The following ASPH variants were observed in gnomAD, a reference collection of about 807,000 sequenced individuals.
ASPH encodes aspartate beta-hydroxylase.
ASPH carries 100 observed loss-of-function variants against 118.4 expected under a neutral mutation model. That is an observed-to-expected ratio of 0.84 (90% CI 0.72 to 1.00). The LOEUF is 1.00. ASPH is among the 50% of genes least tolerant of loss of function. The pLI is 0.00. For missense variants in ASPH, 920 were observed against 919.5 expected (o/e 1.00, Z -0.01); for synonymous variants, 315 against 325.6 (o/e 0.97, Z 0.35).
chr8:61,574,461 A>G (rs1388939003), intron 16 of ASPH, among the ~76,000 whole-genome samples: 1 of 152,248 alleles, frequency 6.6e-6, no homozygotes, highest in African/African-American at 2.4e-5. Context: ...ATGCCCATCA[A>G]TGATAGACTG....
intron 14 of ASPH, among the ~76,000 whole-genome samples, chr8:61,585,802 G>A (rs1034346816): frequency 2.6e-5 from 4 of 152,252 alleles, no homozygotes; most frequent in South Asian, 2.1e-4. Context: ...GTTAAGCATC[G>A]ATGGCAGGGG....
intron 3 of ASPH, chr8:61,662,850 G>A (rs1817620792): frequency 2.0e-6 from 2 of 983,556 alleles, no homozygotes; most frequent in South Asian, 9.4e-5. Flanking sequence ...AATAGCAATA[G>A]ACAATTCTTA....
intron 14 of ASPH, chr8:61,607,284 T>TGCAA: frequency 1.4e-6 from 1 of 702,328 alleles, no homozygotes; most frequent in Non-Finnish European, 2.6e-6. Flanking sequence ...CAGGACATGG[T>TGCAA]GCAAGCCGCC....
intron 5 of ASPH, among the ~76,000 whole-genome samples, chr8:61,649,146 A>G (rs1809607038): frequency 6.6e-6 from 1 of 152,206 alleles, no homozygotes; most frequent in East Asian, 1.9e-4. Flanking sequence ...TGCTACTGCA[A>G]CAGTCATGGC....
chr8:61,665,918 A>G (rs548923968), intron 3 of ASPH, among the ~76,000 whole-genome samples: 1 of 152,312 alleles, frequency 6.6e-6, no homozygotes, highest in East Asian at 1.9e-4. Context: ...CTTTGCACAA[A>G]GTATTAACTC....
At chr8:61,516,098 A>C (rs1810809555) in intron 24 of ASPH, among the ~76,000 whole-genome samples, 1 of 152,198 alleles carries the variant, frequency 6.6e-6, no homozygotes, top group African/African-American at 2.4e-5. Context: ...CTGCTGAATT[A>C]TTATTCAATA....
intron 13 of ASPH, chr8:61,624,711 C>T (rs1461960102): frequency 1.4e-5 from 14 of 985,556 alleles, no homozygotes; most frequent in East Asian, 1.1e-4. Context: ...GAATCCTCAA[C>T]GTCCAGAGTT....
chr8:61,533,592 G>A (rs1818386748), intron 21 of ASPH, among the ~76,000 whole-genome samples: 1 of 152,182 alleles, frequency 6.6e-6, no homozygotes, highest in African/African-American at 2.4e-5. Flanking sequence ...AGGCCTCCAT[G>A]TTGGGTGCAT....
chr8:61,640,495 C>G (rs1452278005), intron 10 of ASPH, among the ~76,000 whole-genome samples: 1 of 152,210 alleles, frequency 6.6e-6, no homozygotes, highest in African/African-American at 2.4e-5. Context: ...CTTGCCTTGT[C>G]AATTGTTCTC....
At chr8:61,689,555 T>A in intron 1 of ASPH, 2 of 945,392 alleles carry the variant, frequency 2.1e-6, no homozygotes, top group Non-Finnish European at 3.2e-6. Flanking sequence ...ATAGAAAATG[T>A]AGACAGTACA....
chr8:61,697,938 G>A (rs1309525739), intron 1 of ASPH, among the ~76,000 whole-genome samples: 1 of 151,838 alleles, frequency 6.6e-6, no homozygotes, highest in Non-Finnish European at 1.5e-5. Context: ...CCACAGGCAT[G>A]CACCGCCATA....
chr8:61,616,748 AC>A (rs1325981110), intron 14 of ASPH, among the ~76,000 whole-genome samples: 1 of 152,072 alleles, frequency 6.6e-6, no homozygotes, highest in Admixed American at 6.5e-5. Flanking sequence ...ACCTCCTGGG[AC>A]ACCTTCTTCC....
At chr8:61,610,159 T>C (rs1228526393) in intron 14 of ASPH, among the ~76,000 whole-genome samples, 1 of 152,226 alleles carries the variant, frequency 6.6e-6, no homozygotes, top group Non-Finnish European at 1.5e-5. Context: ...CAAATTAGCT[T>C]TGTAAAATGT....
chr8:61,694,726 C>G (rs1274265407), intron 1 of ASPH, among the ~76,000 whole-genome samples: 1 of 152,210 alleles, frequency 6.6e-6, no homozygotes, highest in East Asian at 1.9e-4. Context: ...TGCCACCTCT[C>G]TAGTTCACTT....
At chr8:61,628,490 T>C (rs949991504) in intron 13 of ASPH, 3 of 199,374 alleles carry the variant, frequency 1.5e-5, no homozygotes, top group African/African-American at 7.1e-5. Context: ...TTAAACATAG[T>C]ATATAACATC....
At chr8:61,697,130 G>C (rs2151835271) in intron 1 of ASPH, among the ~76,000 whole-genome samples, 1 of 152,316 alleles carries the variant, frequency 6.6e-6, no homozygotes, top group South Asian at 2.1e-4. Flanking sequence ...AAATTCATTA[G>C]CACAGCATAC....
chr8:61,562,984 C>T, intron 17 of ASPH, 104 bp from the exon 18 acceptor site: 1 of 1,191,802 alleles, frequency 8.4e-7, no homozygotes, highest in Non-Finnish European at 1.1e-6. Context: ...AGCCTGAGAA[C>T]CAGCTCAAAT....
chr8:61,539,470 TGA>T (rs1820886879), intron 21 of ASPH, among the ~76,000 whole-genome samples: 1 of 152,120 alleles, frequency 6.6e-6, no homozygotes, highest in Non-Finnish European at 1.5e-5. Flanking sequence ...CCAAGCAGGC[TGA>T]GAGATCAAAT....
chr8:61,594,050 A>T (rs1313787846), intron 14 of ASPH, among the ~76,000 whole-genome samples: 1 of 152,250 alleles, frequency 6.6e-6, no homozygotes, highest in Admixed American at 6.5e-5. Context: ...GTCAGAAACC[A>T]GAAATAAACC....
Sources: allele counts gnomAD v4.1 joint callset (sites outside exome capture counted in the v4.1 genomes callset), GRCh38; gene constraint gnomAD v4.1.1; transcripts MANE v1.5; gene names NCBI Gene and HGNC (gene_info 2026-07-23, HGNC 2026-07-21).